NME7: variants seen among roughly 807,000 people sequenced by gnomAD.
NME7 encodes the protein nucleoside diphosphate kinase 7.
In NME7, 41 loss-of-function variants were observed where a neutral mutation model predicts 49.1. The ratio of observed to expected loss-of-function variants is 0.83; its 90% CI spans 0.65 to 1.08. NME7 has a LOEUF of 1.08. Ranked by LOEUF, NME7 falls within the 50% of genes least tolerant of loss-of-function variation. The pLI, the probability that NME7 is intolerant of heterozygous loss-of-function variation, is 0.00. For missense variants in NME7, 423 were observed against 463.4 expected, an observed-to-expected ratio of 0.91 and a Z score of 0.80; for synonymous variants, 139 against 150.6, an observed-to-expected ratio of 0.92 and a Z score of 0.56.
At chr1:169,232,216 C>T (rs916790833) in intron 9 of NME7, among the ~76,000 whole-genome samples, 5 of 151,906 alleles carry the variant, frequency 3.3e-5, no homozygotes, top group African/African-American at 1.2e-4. Context: ...GGATACGACA[C>T]TGCAGAAGAG....
intron 1 of NME7, among the ~76,000 whole-genome samples, chr1:169,331,910 A>G (rs1237464060): frequency 2.6e-5 from 4 of 152,142 alleles, no homozygotes; most frequent in Non-Finnish European, 4.4e-5. Flanking sequence ...TACAGATTCA[A>G]TGCAATCCCT....
chr1:169,235,207 A>G lies in NME7; in HGVS notation c.820-8T>C. On this transcript the variant is annotated splice_region_variant and splice_polypyrimidine_tract_variant and intron_variant, in intron 8 of 11. Coordinates refer to ENST00000367811, the MANE Select transcript of NME7 (RefSeq NM_013330.5). ...AACCCGATCCATATTGAACTATATT[A>G]AAAAATAAAACAAAACAAAACCATA... 1.4e-6 allele frequency: 2 copies of G among 1,480,548 alleles called. No individual in the cohort carries two copies. The highest frequency in any genetic ancestry group is 1.8e-6 in the Non-Finnish European group (2 of 1,085,382). 91.7% of individuals were successfully genotyped at this position (1,480,548 alleles called of 1,614,324 possible). A position where few individuals can be genotyped will look rare whatever the true frequency, so the allele number is the denominator to read the frequency against.
intron 9 of NME7, among the ~76,000 whole-genome samples, chr1:169,232,190 C>T (rs578057396): frequency 7.2e-5 from 11 of 152,064 alleles, no homozygotes; most frequent in Middle Eastern, 3.4e-3. Context: ...TAAAAATACA[C>T]TGAATGGGGT....
At chr1:169,161,299 C>T (rs551721344) in intron 11 of NME7, among the ~76,000 whole-genome samples, 3 of 152,138 alleles carry the variant, frequency 2.0e-5, no homozygotes, top group Non-Finnish European at 4.4e-5. Context: ...ACAAGTTGTT[C>T]CCTCTTTGAC....
chr1:169,221,747 CAG>C (rs1309208774), intron 10 of NME7, among the ~76,000 whole-genome samples: 1 of 151,714 alleles, frequency 6.6e-6, no homozygotes, highest in African/African-American at 2.4e-5. Context: ...TTTTTTGAGA[CAG>C]AGTCTCACTC....
At chr1:169,360,485 C>A (rs879515462) in intron 1 of NME7, among the ~76,000 whole-genome samples, 1 of 152,098 alleles carries the variant, frequency 6.6e-6, no homozygotes, top group Non-Finnish European at 1.5e-5. Context: ...AGAATAAAAT[C>A]CAAAATCCCT....
At chr1:169,162,142 A>T (rs1192334786) in intron 11 of NME7, among the ~76,000 whole-genome samples, 1 of 152,016 alleles carries the variant, frequency 6.6e-6, no homozygotes, top group Non-Finnish European at 1.5e-5. Context: ...TGCCCACCAA[A>T]TTGTCCATAA....
chr1:169,236,103 G>T (rs1318267926), intron 8 of NME7, among the ~76,000 whole-genome samples: 1 of 152,038 alleles, frequency 6.6e-6, no homozygotes, highest in Non-Finnish European at 1.5e-5. Flanking sequence ...CTACCATAGG[G>T]AGGAAATTCT....
chr1:169,346,277 C>A (rs1308334004), intron 1 of NME7, among the ~76,000 whole-genome samples: 1 of 152,146 alleles, frequency 6.6e-6, no homozygotes, highest in Non-Finnish European at 1.5e-5. Flanking sequence ...AACCCACTTT[C>A]AATAGCCCAC....
chr1:169,194,516 C>T (rs1276191859), intron 10 of NME7, among the ~76,000 whole-genome samples: 1 of 152,120 alleles, frequency 6.6e-6, no homozygotes, highest in African/African-American at 2.4e-5. Context: ...TTAACCTTTA[C>T]AAGGAAATTA....
intron 7 of NME7, chr1:169,285,177 C>T (rs781664546): frequency 2.1e-4 from 32 of 151,934 alleles, no homozygotes; most frequent in South Asian, 1.0e-3. Context: ...TCTGTAGATA[C>T]GTATTTGTGG....
chr1:169,149,070 G>A (rs12089118), intron 11 of NME7, among the ~76,000 whole-genome samples: 57,501 of 152,100 alleles, frequency 0.38, 11,348 homozygotes, highest in East Asian at 0.74. Context: ...CTTGCAGGGC[G>A]CAGTGGCTGA....
At chr1:169,333,533 G>A (rs1652341744) in intron 1 of NME7, among the ~76,000 whole-genome samples, 1 of 108,864 alleles carries the variant, frequency 9.2e-6, no homozygotes, top group Admixed American at 8.7e-5. Flanking sequence ...AAATGCTTGA[G>A]GGGACAGAGC....
chr1:169,232,895 T>C, intron 9 of NME7, among the ~76,000 whole-genome samples: 1 of 149,772 alleles, frequency 6.7e-6, no homozygotes, highest in Admixed American at 6.7e-5. Context: ...TTTTTTTCCT[T>C]TCTGTTGTTT....
chr1:169,210,047 T>C (rs573081725), intron 10 of NME7, among the ~76,000 whole-genome samples: 20 of 152,172 alleles, frequency 1.3e-4, no homozygotes, highest in Non-Finnish European at 2.6e-4. Flanking sequence ...CACTAGACTA[T>C]AAATTCCATG....
intron 10 of NME7, among the ~76,000 whole-genome samples, chr1:169,199,034 CTAA>C (rs895945970): frequency 2.0e-5 from 3 of 151,816 alleles, no homozygotes; most frequent in Admixed American, 6.6e-5. Context: ...TAAAATGTGA[CTAA>C]TAATAATAAT....
intron 10 of NME7, among the ~76,000 whole-genome samples, chr1:169,199,840 T>C (rs981738009): frequency 6.6e-6 from 1 of 152,120 alleles, no homozygotes; most frequent in South Asian, 2.1e-4. Flanking sequence ...ATAAATCATT[T>C]AGTTTGATGA....
intron 7 of NME7, among the ~76,000 whole-genome samples, chr1:169,248,541 G>A (rs1370259860): frequency 1.3e-5 from 2 of 151,850 alleles, no homozygotes; most frequent in Non-Finnish European, 2.9e-5. Flanking sequence ...TCCTACTCAC[G>A]AATTATTTGC....
intron 10 of NME7, among the ~76,000 whole-genome samples, chr1:169,185,167 C>G (rs949590554): frequency 6.6e-5 from 10 of 152,154 alleles, no homozygotes; most frequent in African/African-American, 2.4e-4. Context: ...CAATTTCTTC[C>G]TGACTCAAAC....
Sources: gnomAD v4.1 joint callset for allele counts (sites outside exome capture counted in the v4.1 genomes callset) on GRCh38, gnomAD v4.1.1 for gene constraint, MANE v1.5 for transcripts, NCBI Gene and HGNC (gene_info 2026-07-23, HGNC 2026-07-21) for gene names.